Variants in PKN3 observed in about 807,000 individuals in gnomAD.
PKN3 encodes the protein protein kinase N3.
Under a neutral mutation model 113.1 loss-of-function variants are expected in PKN3, and 91 were observed. The ratio of observed to expected loss-of-function variants is 0.80; its 90% CI spans 0.68 to 0.96. The LOEUF is 0.96. PKN3 is among the 40% of genes least tolerant of loss of function. PKN3 has a pLI of 0.00. For synonymous variants in PKN3, 467 were observed against 499.0 expected, an observed-to-expected ratio of 0.94 and a Z score of 0.85; for missense variants, 1,052 against 1,202.2, an observed-to-expected ratio of 0.88 and a Z score of 1.85.
rs114678088 is a variant in PKN3, at chr9:128,713,830, C to T, written c.1236+188C>T. Among the ~76,000 whole-genome samples the T allele has an allele frequency of 3.7e-3, 567 of 152,310 alleles. 4 individuals carry two copies. The highest frequency in any genetic ancestry group is 0.013 in the African/African-American group (545 of 41,560). ...GGCCTGGGTCCTTGTCCTGACTGCC[C>T]TGCCTCAGGTGTGACCCTGGAAAAG... On this transcript the variant is annotated intron_variant, in intron 9 of 21. Transcript: ENST00000291906.
chr9:128,705,735 G>A lies in PKN3; in HGVS notation c.267G>A (p.Glu89=), dbSNP rs1268664391. The A allele has an allele frequency of 2.5e-6, 4 of 1,603,436 alleles. No individual in the cohort carries two copies. Among genetic ancestry groups the A allele is most frequent in the African/African-American group, 2.7e-5 (2 of 74,862 alleles). ...LLPGPGPGPA[E]PVASGPRPWA... Reference sequence around the variant, plus strand: ...TGTGCTCGATACCCCCGTGCACAGAGCCTGTGGCCTCAGGACCCCGGCCGT... The same window carrying A: ...TGTGCTCGATACCCCCGTGCACAGAACCTGTGGCCTCAGGACCCCGGCCGT... The change falls in exon 3 of 22, where the codon GAG becomes GAA. Residue 89 remains glutamate (E), a splice_region_variant and synonymous_variant. Transcript: ENST00000291906.
intron 18 of PKN3, 69 bp downstream of exon 18, chr9:128,718,694 C>A: frequency 1.4e-6 from 2 of 1,380,684 alleles, no homozygotes; most frequent in Non-Finnish European, 1.0e-6. Context: ...GGATGATGGG[C>A]ACATGGCATG....
Position 128,718,640 on chromosome 9 carries a change from T to C in PKN3, c.2125+15T>C, listed in dbSNP as rs375540700. On this transcript the variant is annotated intron_variant, in intron 18 of 21. Coordinates refer to ENST00000291906, the MANE Select transcript of PKN3 (RefSeq NM_013355.5). ...CTGCAAGGAAGGTGGGGGCCGCCCA[T>C]TGGGATCCATATCTCCAGCCTTGTT... The C allele has an allele frequency of 1.9e-5, 31 of 1,612,536 alleles. No homozygotes were observed. The highest frequency in any genetic ancestry group is 2.5e-5 in the Non-Finnish European group (29 of 1,178,712).
rs763717919 is a variant in PKN3 at position 128,706,840 on chromosome 9, A to T, written c.523+16A>T. On this transcript the variant is annotated intron_variant, in intron 4 of 21. Transcript: ENST00000291906. ...CCGGAGCCAGGTGAGGCCTTGAGACACAGGGAGGGCGGAGCAGGGAAGAGC... is the reference window on the plus strand; with the variant it reads ...CCGGAGCCAGGTGAGGCCTTGAGACTCAGGGAGGGCGGAGCAGGGAAGAGC... 5.0e-6 allele frequency: 8 copies of T among 1,612,296 alleles called. No individual in the cohort carries two copies. Among genetic ancestry groups the T allele is most frequent in the Admixed American group, 1.7e-5 (1 of 59,954 alleles).
At chr9:128,718,721 C>A in intron 18 of PKN3, 96 bp downstream of exon 18, 2 of 1,173,916 alleles carry the variant, frequency 1.7e-6, no homozygotes, top group South Asian at 1.2e-5. Flanking sequence ...GAAATCTCCT[C>A]ACCTGCGGAT....
chr9:128,707,468 A>C, intron 6 of PKN3, 63 bp downstream of exon 6: 3 of 1,387,330 alleles, frequency 2.2e-6, no homozygotes, highest in Non-Finnish European at 2.0e-6. Context: ...CGGAAGCACA[A>C]ACAACTCTGA....
rs764618362 is a variant in PKN3 at position 128,713,539 on chromosome 9, G to T, written c.1133G>T (p.Arg378Leu). The T allele has an allele frequency of 6.2e-7, 1 of 1,613,786 alleles. No homozygotes were observed. The highest frequency in any genetic ancestry group is 2.2e-5 in the East Asian group (1 of 44,894). ...ATTGGGGTACACTGGCGGGACTGGC[G>T]GCAGCTATGTGGCGTGGCCTTCCTG... is the stretch of plus-strand genomic sequence containing the variant. ...LEIGVHWRDWRQLCGVAFLRL... is the reference protein window; with the variant it reads ...LEIGVHWRDWLQLCGVAFLRL... Residue 378 changes from arginine to leucine, a missense_variant, in exon 9 of 22, where the codon CGG becomes CTG. Physicochemically the swap from Arg to Leu is moderately radical, Grantham distance 102. This residue lies in a region of PKN3 where 719 missense variants were observed against 759.4 expected (regional missense o/e 0.95). Transcript: ENST00000291906.
chr9:128,713,108 C>A lies in PKN3; in HGVS notation c.892C>A (p.Arg298Ser). ...ACAGTTGCTGACAGCCGTGCCTGGG[C>A]GCTCCCCAGCGGCCGCACTGGCCAG... Reference protein sequence around the residue: ...CEQLLTAVPGRSPAAALASSP... With the variant: ...CEQLLTAVPGSSPAAALASSP... Residue 298 changes from arginine (R) to serine (S), a missense_variant, in exon 7 of 22, where the codon CGC becomes AGC. This residue lies in a region of PKN3 where 719 missense variants were observed against 759.4 expected (regional missense o/e 0.95). Transcript: ENST00000291906. 6.2e-7 allele frequency: 1 copy of A among 1,611,954 alleles called. No individual in the cohort carries two copies. Among genetic ancestry groups the A allele is most frequent in the Non-Finnish European group, 8.5e-7 (1 of 1,179,208 alleles).
intron 1 of PKN3, among the ~76,000 whole-genome samples, chr9:128,704,547 G>A (rs542199222): frequency 1.3e-5 from 2 of 152,334 alleles, no homozygotes; most frequent in South Asian, 2.1e-4. Flanking sequence ...TGGGGCCCGA[G>A]AGATGGTGGC....
In PKN3 at chr9:128,705,387, GT is replaced by G; in HGVS notation, c.110del (p.Val37GlyfsTer71). ...GAAAGAGCTGAAGATCAAGGAGGGG[GT>G]GGAGAACCTGCGGCGCGTGGCCACA... ...IQKELKIKEG[V>X]ENLRRVATDR... On this transcript the variant is annotated frameshift_variant, in exon 2 of 22. Transcript: ENST00000291906. LOFTEE classifies it high-confidence loss of function. 6.3e-7 allele frequency: 1 copy of G among 1,597,982 alleles called. No individual in the cohort carries two copies. Among genetic ancestry groups the G allele is most frequent in the Non-Finnish European group, 8.5e-7 (1 of 1,172,882 alleles).
At chr9:128,713,428 G>T in intron 8 of PKN3, 41 bp downstream of exon 8, 1 of 1,612,590 alleles carries the variant, frequency 6.2e-7, no homozygotes, top group Non-Finnish European at 8.5e-7. Flanking sequence ...ACCTTGGGCT[G>T]CGGGGTGGAA....
Position 128,714,674 on chromosome 9 carries a change from TG to T in PKN3, c.1584+12del. Reference sequence around the variant, plus strand: ...ATCCGAGGAGACTCCGGTGAGGGGCTGGAGGGACTAGTGGCTCCTAGGGCCG... The same window carrying T: ...ATCCGAGGAGACTCCGGTGAGGGGCTGAGGGACTAGTGGCTCCTAGGGCCG... On this transcript the variant is annotated intron_variant, in intron 12 of 21. Coordinates refer to ENST00000291906, the MANE Select transcript of PKN3 (RefSeq NM_013355.5). The T allele has an allele frequency of 7.2e-7, 1 of 1,384,730 alleles. No individual in the cohort carries two copies. The highest frequency in any genetic ancestry group is 1.0e-6 in the Non-Finnish European group (1 of 971,220). 85.8% of individuals were successfully genotyped at this position (1,384,730 alleles called of 1,614,324 possible).
At chr9:128,713,027 C>T (rs745322584) in intron 6 of PKN3, 25 bp from the exon 7 acceptor site, 50 of 1,568,018 alleles carry the variant, frequency 3.2e-5, no homozygotes, top group African/African-American at 5.4e-5. Context: ...CATCTGACAA[C>T]GCCCCCCGCT....
At chr9:128,717,554 C>T (rs1394982101) in intron 16 of PKN3, among the ~76,000 whole-genome samples, 2 of 149,112 alleles carry the variant, frequency 1.3e-5, no homozygotes, top group African/African-American at 5.0e-5. Flanking sequence ...ATGGTAAAAT[C>T]TTGTCTCTAC....
intron 1 of PKN3, chr9:128,704,274 T>G: frequency 2.1e-6 from 1 of 470,928 alleles, no homozygotes; most frequent in Non-Finnish European, 2.8e-6. Flanking sequence ...GGTGAAGCCG[T>G]GAGAGAGCCT....
intron 6 of PKN3, among the ~76,000 whole-genome samples, chr9:128,707,963 T>C (rs1233759825): frequency 6.8e-6 from 1 of 147,670 alleles, no homozygotes; most frequent in Non-Finnish European, 1.5e-5. Flanking sequence ...TCCTGGTTGC[T>C]CAGGAAGCTG....
At chr9:128,719,327 T>G (rs1862449279) in intron 18 of PKN3, among the ~76,000 whole-genome samples, 1 of 151,842 alleles carries the variant, frequency 6.6e-6, no homozygotes. Flanking sequence ...GTACCTGCGA[T>G]TACAGGCACA....
At position 128,719,799 on chromosome 9, in the gene PKN3, G is replaced by A; in HGVS notation, c.2239G>A (p.Val747Met). 1 of 1,607,906 alleles carries A rather than the reference G, an allele frequency of 6.2e-7. No homozygotes were observed. The highest frequency in any genetic ancestry group is 8.5e-7 in the Non-Finnish European group (1 of 1,176,412). ...GGCTGTGGACTGGTGGGGGCTGGGT[G>A]TGCTGCTCTACGAGATGCTGGTGGG... Reference protein sequence around the residue: ...TRAVDWWGLGVLLYEMLVGEC... With the variant: ...TRAVDWWGLGMLLYEMLVGEC... Residue 747 changes from valine (V) to methionine (M), a missense_variant, in exon 19 of 22, where the codon GTG becomes ATG. Physicochemically the swap from Val to Met is conservative, Grantham distance 21. Transcript: ENST00000291906.
At chr9:128,709,456 A>C (rs1386695911) in intron 6 of PKN3, among the ~76,000 whole-genome samples, 2 of 147,792 alleles carry the variant, frequency 1.4e-5, no homozygotes, top group Non-Finnish European at 3.0e-5. Flanking sequence ...GCCCGTCTCA[A>C]AAAAAAAAAA....
Sources: allele counts gnomAD v4.1 joint callset (sites outside exome capture counted in the v4.1 genomes callset), GRCh38; gene constraint gnomAD v4.1.1; regional missense constraint gnomAD v4.1.1; transcripts MANE v1.5; gene names NCBI Gene and HGNC (gene_info 2026-07-23, HGNC 2026-07-21).